The following ZMYND8 variants were observed in gnomAD, a reference collection of about 807,000 sequenced individuals.
ZMYND8 encodes zinc finger MYND-type containing 8.
In ZMYND8, 37 loss-of-function variants were observed where a neutral mutation model predicts 140.8. That is an observed-to-expected ratio of 0.26 (90% CI 0.20 to 0.35). ZMYND8 has a LOEUF of 0.35. Ranked by LOEUF, ZMYND8 falls within the 10% of genes least tolerant of loss-of-function variation. The probability of loss-of-function intolerance (pLI) is 1.00; values close to 1 mark genes in which losing one functional copy is unlikely to be tolerated. For missense variants in ZMYND8, 1,068 were observed against 1,570.0 expected (o/e 0.68, Z 5.40); for synonymous variants, 592 against 597.1 (o/e 0.99, Z 0.12).
chr20:47,333,619 G>A lies in ZMYND8; in HGVS notation c.85+14237C>T, dbSNP rs572607468. 8.0e-5 allele frequency among the ~76,000 whole-genome samples: 12 copies of A among 150,570 alleles called. No individual in the cohort carries two copies. The Middle Eastern group carries it at 0.01, about 128-fold the overall frequency. On this transcript the variant is annotated intron_variant, in intron 2 of 22. Coordinates refer to ENST00000471951, the MANE Select transcript of ZMYND8 (RefSeq NM_001281775.3). The stretch of plus-strand genomic sequence containing the variant: ...CACATGCCTGTAGTCCCAGCTCCTC[G>A]GGAGACTAAGGCAGGAGAATCGCTT...
At chr20:47,284,754 A>T (rs1390895002) in intron 8 of ZMYND8, among the ~76,000 whole-genome samples, 1 of 152,212 alleles carries the variant, frequency 6.6e-6, no homozygotes, top group Non-Finnish European at 1.5e-5. Context: ...AAGAAAGTAC[A>T]TTCCCCTAGA....
intron 4 of ZMYND8, among the ~76,000 whole-genome samples, chr20:47,295,485 T>C (rs2077580269): frequency 6.6e-6 from 1 of 152,258 alleles, no homozygotes; most frequent in African/African-American, 2.4e-5. Flanking sequence ...CCATTTATCC[T>C]GATCCTCTTA....
At chr20:47,297,924 C>G (rs1036973914) in intron 4 of ZMYND8, among the ~76,000 whole-genome samples, 32 of 152,152 alleles carry the variant, frequency 2.1e-4, no homozygotes, top group Non-Finnish European at 1.0e-4. Flanking sequence ...CACACTGCCC[C>G]GACTACGCCC....
chr20:47,244,093 G>A (rs1169424382), intron 14 of ZMYND8, among the ~76,000 whole-genome samples: 2 of 152,182 alleles, frequency 1.3e-5, no homozygotes, highest in South Asian at 2.1e-4. Flanking sequence ...TGAGGTTCCA[G>A]AGCAGCCCAG....
Position 47,221,459 on chromosome 20 carries a change from T to G in ZMYND8, c.3272A>C (p.Gln1091Pro). 6.2e-7 allele frequency: 1 copy of G among 1,614,078 alleles called. No individual in the cohort carries two copies. Among genetic ancestry groups the G allele is most frequent in the Non-Finnish European group, 8.5e-7 (1 of 1,179,982 alleles). ...TGTGTTCACCTCAGCATCCGCTTCC[T>G]GCTGAGGAGCAGTAGCTGGGGACAA... ...SCTQSATAPQ[Q>P]EADAEVNTET... The change falls in exon 20 of 23, where the codon CAG (glutamine) becomes CCG (proline). Residue 1091 changes from glutamine (Q) to proline (P), a missense_variant. Transcript: ENST00000471951.
intron 12 of ZMYND8, among the ~76,000 whole-genome samples, chr20:47,258,796 C>T (rs538277123): frequency 6.6e-6 from 1 of 152,212 alleles, no homozygotes; most frequent in East Asian, 1.9e-4. Context: ...CTTAACATTG[C>T]CCTGCTTGTT....
At chr20:47,275,634 C>G (rs1428436510) in intron 11 of ZMYND8, among the ~76,000 whole-genome samples, 1 of 151,928 alleles carries the variant, frequency 6.6e-6, no homozygotes, top group African/African-American at 2.4e-5. Flanking sequence ...CACAAGGGGT[C>G]ACACTTTGCC....
chr20:47,223,097 A>G (rs2037218175), intron 19 of ZMYND8, among the ~76,000 whole-genome samples: 1 of 152,282 alleles, frequency 6.6e-6, no homozygotes. Context: ...CAATCCGCAG[A>G]CATACTACTT....
chr20:47,276,267 C>G, intron 11 of ZMYND8, 47 bp downstream of exon 11: 1 of 1,491,954 alleles, frequency 6.7e-7, no homozygotes, highest in Non-Finnish European at 8.9e-7. Context: ...CATGGGAAAC[C>G]CCCGTGTCCA....
intron 2 of ZMYND8, among the ~76,000 whole-genome samples, chr20:47,325,463 A>C (rs1368987992): frequency 6.6e-6 from 1 of 152,150 alleles, no homozygotes; most frequent in Non-Finnish European, 1.5e-5. Flanking sequence ...TTTCTTCCCC[A>C]GTCTAAGAAT....
rs1190496321 is a variant in ZMYND8, at chr20:47,291,824, T to C, written c.632A>G (p.His211Arg). ...TTCCAATGTACAAAGGTCCATTGGA[T>C]GGAAGATGTATTCCGCATAGTCAGG... The part of the protein sequence containing the change: ...QHPDYAEYIF[H>R]PMDLCTLEKN... Residue 211 changes from histidine (H) to arginine (R), a missense_variant, in exon 6 of 23, where the codon CAT becomes CGT. Around this residue, in one of 10 missense-constraint regions of ZMYND8, gnomAD observed 109 missense variants for 314.9 expected, o/e 0.35. Transcript: ENST00000471951. 6.2e-7 allele frequency: 1 copy of C among 1,613,206 alleles called. No individual in the cohort carries two copies. Among genetic ancestry groups the C allele is most frequent in the Non-Finnish European group, 8.5e-7 (1 of 1,179,642 alleles).
chr20:47,216,540 C>T (rs1374547487), intron 21 of ZMYND8, among the ~76,000 whole-genome samples: 1 of 137,418 alleles, frequency 7.3e-6, no homozygotes, highest in African/African-American at 2.8e-5. Flanking sequence ...GGCGTAGTGG[C>T]TCAAGCTTGT....
chr20:47,320,040 C>G (rs894666863), intron 2 of ZMYND8: 1 of 152,210 alleles, frequency 6.6e-6, no homozygotes, highest in Non-Finnish European at 1.5e-5. Context: ...ATTTATCCAG[C>G]CCCTGCCTGG....
chr20:47,266,842 T>C (rs1027475036), intron 11 of ZMYND8, among the ~76,000 whole-genome samples: 1 of 152,214 alleles, frequency 6.6e-6, no homozygotes, highest in African/African-American at 2.4e-5. Context: ...GTGTGTGGTG[T>C]GTATAGACAG....
intron 2 of ZMYND8, among the ~76,000 whole-genome samples, chr20:47,323,456 G>A (rs1489217100): frequency 6.6e-6 from 1 of 151,906 alleles, no homozygotes; most frequent in Non-Finnish European, 1.5e-5. Flanking sequence ...AAACTTCTGG[G>A]GTCAAGTGAT....
In ZMYND8 at chr20:47,356,664, G is replaced by A; in HGVS notation, c.7C>T (p.Pro3Ser). ...TTAAAAAGTCGAGCTTACCTCTGTG[G>A]ATGCATTGTTAACACTGTGTAATGT... is the stretch of plus-strand genomic sequence containing the variant. MH[P>S]QSLAEEEIKT... The change falls in exon 1 of 23, where the codon CCA becomes TCA. Residue 3 changes from proline to serine, a missense_variant. Around this residue, in one of 10 missense-constraint regions of ZMYND8, gnomAD observed 77 missense variants for 85.1 expected, o/e 0.91. Transcript: ENST00000471951. 6.2e-7 allele frequency: 1 copy of A among 1,614,186 alleles called. No homozygotes were observed. The highest frequency in any genetic ancestry group is 8.5e-7 in the Non-Finnish European group (1 of 1,180,048).
At chr20:47,268,477 T>G (rs1408468609) in intron 11 of ZMYND8, among the ~76,000 whole-genome samples, 1 of 151,590 alleles carries the variant, frequency 6.6e-6, no homozygotes, top group Non-Finnish European at 1.5e-5. Flanking sequence ...GTATTTTTAA[T>G]AGAGACGGTG....
chr20:47,348,051 G>C (rs1004638267), intron 1 of ZMYND8, 125 bp from the exon 2 acceptor site: 2 of 932,312 alleles, frequency 2.1e-6, no homozygotes, highest in African/African-American at 1.6e-5. Context: ...TCCAGGGCTG[G>C]GGGAGGAAAC....
chr20:47,302,202 C>T (rs71351665), intron 3 of ZMYND8, among the ~76,000 whole-genome samples: 7,014 of 13,762 alleles, frequency 0.51, 252 homozygotes, highest in Non-Finnish European at 0.51. Context: ...TTAGGCCAGG[C>T]GTGGTGGCAC....
Sources: gnomAD v4.1 joint callset for allele counts (sites outside exome capture counted in the v4.1 genomes callset) on GRCh38, gnomAD v4.1.1 for gene constraint, gnomAD v4.1.1 regional missense constraint, MANE v1.5 for transcripts, NCBI Gene and HGNC (gene_info 2026-07-23, HGNC 2026-07-21) for gene names.